The following MTUS2 variants were observed in gnomAD, a reference collection of about 807,000 sequenced individuals.
MTUS2 encodes microtubule associated scaffold protein 2.
In MTUS2, 40 loss-of-function variants were observed where a neutral mutation model predicts 114.1. That is an observed-to-expected ratio of 0.35 (90% confidence interval 0.27 to 0.46). MTUS2 has a LOEUF of 0.46. Among genes scored for constraint, MTUS2 ranks in the 20% least tolerant of loss-of-function variants. The pLI, the probability that MTUS2 is intolerant of heterozygous loss-of-function variation, is 1.00. For missense variants in MTUS2, 1,679 were observed against 1,705.4 expected, an observed-to-expected ratio of 0.98 and a Z score of 0.27; for synonymous variants, 688 against 672.0, an observed-to-expected ratio of 1.02 and a Z score of -0.37.
Position 29,503,373 on chromosome 13 carries a change from C to T in MTUS2, c.*167C>T. 5 of 691,016 alleles carry T rather than the reference C, an allele frequency of 7.2e-6. No homozygotes were observed. The highest frequency in any genetic ancestry group is 1.9e-5 in the South Asian group (1 of 53,760). 42.8% of individuals were successfully genotyped at this position (691,016 alleles called of 1,614,324 possible). On this transcript the variant is annotated 3_prime_UTR_variant, in exon 16 of 16. Transcript: ENST00000612955. ...TCCCCGTGTAAGACTGCCCTGGTGT[C>T]GGCACTTAGGAATGTGTAAATGGTA...
intron 8 of MTUS2, among the ~76,000 whole-genome samples, chr13:29,425,134 C>G (rs1013441517): frequency 6.6e-6 from 1 of 152,164 alleles, no homozygotes; most frequent in Non-Finnish European, 1.5e-5. Flanking sequence ...TTTTAACAGA[C>G]CAGGTGCAGT....
Position 29,168,325 on chromosome 13 carries a change from A to T in MTUS2, c.2644+67355A>T, listed in dbSNP as rs144152681. On this transcript the variant is annotated intron_variant, in intron 5 of 15. Transcript: ENST00000612955. The stretch of plus-strand genomic sequence containing the variant: ...TGCTTAGAAAAGCACCTTGTTCCAT[A>T]GCCCCTAACTATTTATTAATGTTCC... Among the ~76,000 whole-genome samples, 852 of 152,256 alleles carry T rather than the reference A, an allele frequency of 5.6e-3. 10 individuals carry two copies. Among genetic ancestry groups the T allele is most frequent in the African/African-American group, 0.019 (806 of 41,536 alleles).
At chr13:29,302,584 G>A (rs531937355) in intron 6 of MTUS2, among the ~76,000 whole-genome samples, 51 of 152,284 alleles carry the variant, frequency 3.3e-4, no homozygotes, top group African/African-American at 1.2e-3. Flanking sequence ...CATTTCCATG[G>A]CACCTCACAA....
rs1259790274 is a variant in MTUS2, at chr13:29,026,773, C to A, written c.2075C>A (p.Ser692Tyr). Residue 692 changes from serine to tyrosine, a missense_variant, in exon 3 of 16, where the codon TCT (serine) becomes TAT (tyrosine). Physicochemically the swap from Ser to Tyr is moderately radical, Grantham distance 144. Transcript: ENST00000612955. ...EKAAGGDLKP[S>Y]ANLYEKFKPD... ...GCAGCAGGTGGTGACCTGAAGCCATCTGCCAACCTCTATGAGAAATTCAAG... is the reference window on the plus strand; with the variant it reads ...GCAGCAGGTGGTGACCTGAAGCCATATGCCAACCTCTATGAGAAATTCAAG... 6.2e-7 allele frequency: 1 copy of A among 1,613,838 alleles called. No homozygotes were observed. Among genetic ancestry groups the A allele is most frequent in the Admixed American group, 1.7e-5 (1 of 60,026 alleles).
intron 8 of MTUS2, among the ~76,000 whole-genome samples, chr13:29,421,408 A>G (rs1242061488): frequency 6.6e-6 from 1 of 152,178 alleles, no homozygotes; most frequent in East Asian, 1.9e-4. Flanking sequence ...ATCATTTTTC[A>G]TGGTTTTCTC....
chr13:29,191,131 G>C (rs1268892718), intron 5 of MTUS2, among the ~76,000 whole-genome samples: 1 of 152,030 alleles, frequency 6.6e-6, no homozygotes, highest in African/African-American at 2.4e-5. Context: ...TAACGCTTCA[G>C]CTTGCCCAAG....
At chr13:28,824,855 A>G (rs1013852957) in intron 1 of MTUS2, among the ~76,000 whole-genome samples, 5 of 152,214 alleles carry the variant, frequency 3.3e-5, no homozygotes, top group African/African-American at 1.2e-4. Context: ...GGATACTGCT[A>G]TGGAGAAAAT....
chr13:28,976,761 T>G (rs1325921142), intron 2 of MTUS2, among the ~76,000 whole-genome samples: 1 of 152,180 alleles, frequency 6.6e-6, no homozygotes, highest in Non-Finnish European at 1.5e-5. Context: ...GGGTGCATGA[T>G]CAGCTGTTAG....
chr13:28,826,480 C>T (rs548591486), intron 1 of MTUS2, among the ~76,000 whole-genome samples: 49 of 152,294 alleles, frequency 3.2e-4, no homozygotes, highest in African/African-American at 1.2e-3. Flanking sequence ...AGTCTTTTTA[C>T]TCTGTTTACT....
At chr13:29,137,838 G>A (rs1158184127) in intron 5 of MTUS2, among the ~76,000 whole-genome samples, 2 of 149,092 alleles carry the variant, frequency 1.3e-5, no homozygotes, top group Non-Finnish European at 1.5e-5. Context: ...CATGTGCTCC[G>A]AATTTCTAAT....
intron 10 of MTUS2, 145 bp from the exon 11 acceptor site, chr13:29,487,754 AC>A (rs1566232128): frequency 7.3e-6 from 5 of 680,960 alleles, no homozygotes; most frequent in African/African-American, 7.1e-5. Context: ...CTGCCACATC[AC>A]CACCAAAGTC....
intron 5 of MTUS2, among the ~76,000 whole-genome samples, chr13:29,255,822 G>A (rs1593228290): frequency 6.6e-6 from 1 of 152,148 alleles, no homozygotes; most frequent in East Asian, 1.9e-4. Context: ...TCAGCATTCA[G>A]GAATAGCCTT....
chr13:28,850,930 T>G (rs1173736380), intron 2 of MTUS2, among the ~76,000 whole-genome samples: 1 of 152,240 alleles, frequency 6.6e-6, no homozygotes, highest in African/African-American at 2.4e-5. Flanking sequence ...GTTTCATTTA[T>G]TTTTAGATGA....
At chr13:29,361,324 A>G (rs568786448) in intron 8 of MTUS2, among the ~76,000 whole-genome samples, 3 of 152,346 alleles carry the variant, frequency 2.0e-5, no homozygotes, top group Admixed American at 1.3e-4. Flanking sequence ...AATCACAACC[A>G]GTAACTCCAA....
intron 5 of MTUS2, among the ~76,000 whole-genome samples, chr13:29,130,902 G>A (rs1891735014): frequency 6.6e-6 from 1 of 152,208 alleles, no homozygotes. Flanking sequence ...GGGATTACAG[G>A]CGTGAACTAC....
chr13:29,075,965 G>A (rs1889176000), intron 4 of MTUS2, among the ~76,000 whole-genome samples: 1 of 152,134 alleles, frequency 6.6e-6, no homozygotes, highest in Non-Finnish European at 1.5e-5. Flanking sequence ...AGAAGAGTGA[G>A]AAGAAGATAG....
At chr13:29,432,484 A>G (rs1877076196) in intron 8 of MTUS2, among the ~76,000 whole-genome samples, 1 of 152,254 alleles carries the variant, frequency 6.6e-6, no homozygotes, top group Non-Finnish European at 1.5e-5. Context: ...CAAGCAAACA[A>G]TAACAAGCCT....
At chr13:28,925,593 A>G (rs575930957) in intron 2 of MTUS2, among the ~76,000 whole-genome samples, 40 of 152,268 alleles carry the variant, frequency 2.6e-4, no homozygotes, top group Non-Finnish European at 3.4e-4. Context: ...TTGGTGAGAG[A>G]AACTCTACCT....
intron 4 of MTUS2, among the ~76,000 whole-genome samples, chr13:29,081,654 G>A (rs1335179163): frequency 2.6e-5 from 4 of 151,654 alleles, no homozygotes; most frequent in Admixed American, 6.6e-5. Flanking sequence ...AATAGATAAG[G>A]AGTGTCTTGA....
Sources: allele counts gnomAD v4.1 joint callset (sites outside exome capture counted in the v4.1 genomes callset), GRCh38; gene constraint gnomAD v4.1.1; transcripts MANE v1.5; gene names NCBI Gene and HGNC (gene_info 2026-07-23, HGNC 2026-07-21).